RFX8: variants seen among roughly 807,000 people sequenced by gnomAD.
The protein encoded by RFX8 is DNA-binding protein RFX8.
A neutral mutation model predicts 54.6 loss-of-function variants in RFX8; 46 were observed. The ratio of observed to expected loss-of-function variants is 0.84; its 90% CI spans 0.67 to 1.08. The LOEUF is 1.08. Among genes scored for constraint, RFX8 ranks in the 50% least tolerant of loss-of-function variants. The probability of loss-of-function intolerance (pLI) is 0.00; values close to 1 mark genes in which losing one functional copy is unlikely to be tolerated. For synonymous variants in RFX8, 192 were observed against 209.5 expected (o/e 0.92, Z 0.72); for missense variants, 536 against 562.3 (o/e 0.95, Z 0.47).
intron 1 of RFX8, among the ~76,000 whole-genome samples, chr2:101,472,102 T>A (rs993530664): frequency 3.3e-5 from 5 of 152,092 alleles, no homozygotes; most frequent in Admixed American, 1.3e-4. Context: ...CTGTTTTGGG[T>A]TTTTTATTTT....
intron 11 of RFX8, among the ~76,000 whole-genome samples, chr2:101,402,124 G>A (rs1360725360): frequency 2.6e-5 from 4 of 152,182 alleles, no homozygotes; most frequent in East Asian, 1.9e-4. Context: ...CCACTCAGAC[G>A]TTAGTGGTGT....
At chr2:101,414,073 A>G (rs1192070450) in intron 7 of RFX8, among the ~76,000 whole-genome samples, 2 of 152,142 alleles carry the variant, frequency 1.3e-5, no homozygotes, top group African/African-American at 4.8e-5. Flanking sequence ...AGCCCTTCTC[A>G]ACCTTTCTCT....
At chr2:101,432,420 T>G (rs1254570243) in intron 2 of RFX8, among the ~76,000 whole-genome samples, 2 of 152,094 alleles carry the variant, frequency 1.3e-5, no homozygotes, top group East Asian at 3.9e-4. Context: ...CCGCAGGCAT[T>G]GCCGGGCTTT....
intron 2 of RFX8, among the ~76,000 whole-genome samples, chr2:101,440,284 C>G (rs563889706): frequency 6.6e-6 from 1 of 152,138 alleles, no homozygotes; most frequent in Admixed American, 6.5e-5. Context: ...GTTTGGCCCT[C>G]GGCTAGGGTC....
At chr2:101,406,395 G>A (rs914158263) in intron 9 of RFX8, among the ~76,000 whole-genome samples, 3 of 150,772 alleles carry the variant, frequency 2.0e-5, no homozygotes, top group African/African-American at 7.3e-5. Flanking sequence ...GCAGTGGCAC[G>A]ATCTTGGCCC....
chr2:101,450,779 T>C, intron 2 of RFX8: 2 of 670,226 alleles, frequency 3.0e-6, no homozygotes, highest in Non-Finnish European at 2.6e-6. Flanking sequence ...GGAGTTCTTC[T>C]CCAGGTTTTA....
chr2:101,447,694 A>G (rs1192434616), intron 2 of RFX8, among the ~76,000 whole-genome samples: 3 of 152,226 alleles, frequency 2.0e-5, no homozygotes, highest in African/African-American at 7.2e-5. Context: ...CTGGGCTATC[A>G]AATACTAGAA....
At chr2:101,406,208 C>T (rs748521310) in intron 9 of RFX8, among the ~76,000 whole-genome samples, 151 bp from the exon 10 acceptor site, 5 of 151,904 alleles carry the variant, frequency 3.3e-5, no homozygotes, top group African/African-American at 4.8e-5. Context: ...ACTGAGGCAG[C>T]GGGGCAAATG....
At chr2:101,460,638 G>A (rs11674781) in intron 2 of RFX8, among the ~76,000 whole-genome samples, 52,310 of 151,554 alleles carry the variant, frequency 0.35, 9,691 homozygotes, top group African/African-American at 0.44. Context: ...GGAAGCCACG[G>A]TATTTGGAGC....
At chr2:101,451,717 A>G (rs535304222) in intron 2 of RFX8, among the ~76,000 whole-genome samples, 38 of 149,042 alleles carry the variant, frequency 2.5e-4, no homozygotes, top group Non-Finnish European at 4.6e-4. Flanking sequence ...GAAAAGTAAT[A>G]TAGCCTCGGG....
rs1573510867 is a variant in RFX8, at chr2:101,474,448, G to A, written c.-53+188C>T. ...CCAGTCCTCCAGGCCCGAGCCCGGG[G>A]GCGCGGAAGGCGCGCGGCGAGTACG... On this transcript the variant is annotated intron_variant, in intron 1 of 11. Transcript: ENST00000428343. 5 of 358,454 alleles carry A rather than the reference G, an allele frequency of 1.4e-5. No homozygotes were observed. In the East Asian group the frequency reaches 2.1e-4, roughly 15 times the overall value. 22.2% of individuals were successfully genotyped at this position (358,454 alleles called of 1,614,324 possible). A position where few individuals can be genotyped will look rare whatever the true frequency, so the allele number is the denominator to read the frequency against.
At chr2:101,399,178 C>T (rs186569445) in intron 11 of RFX8, among the ~76,000 whole-genome samples, 4 of 152,298 alleles carry the variant, frequency 2.6e-5, no homozygotes, top group African/African-American at 4.8e-5. Flanking sequence ...TGCAGGCCAG[C>T]GCTAAATTGT....
In RFX8 at chr2:101,401,587, A is replaced by G. The variant is rs562449547; in HGVS notation, c.1245+849T>C. Reference sequence around the variant, plus strand: ...TAGCGGCTAAACATCAAATATGTGCAGAGAAATTAGCCCTAAGACAATCGC... The same window carrying G: ...TAGCGGCTAAACATCAAATATGTGCGGAGAAATTAGCCCTAAGACAATCGC... On this transcript the variant is annotated intron_variant, in intron 11 of 11. Transcript: ENST00000428343. 2.0e-5 allele frequency among the ~76,000 whole-genome samples: 3 copies of G among 152,324 alleles called. No individual in the cohort carries two copies. The East Asian group carries it at 5.8e-4, about 29-fold the overall frequency.
At position 101,469,053 on chromosome 2, in the gene RFX8, T is replaced by C. The variant is rs1466136951; in HGVS notation, c.-52-2153A>G. 7.2e-4 allele frequency among the ~76,000 whole-genome samples: 23 copies of C among 32,026 alleles called. 1 individual carries two copies. The highest frequency in any genetic ancestry group is 5.9e-4 in the Admixed American group (2 of 3,374). The allele number at this position is 32,026 out of a possible 152,430, so 21.0% of individuals were successfully genotyped here. A position where few individuals can be genotyped will look rare whatever the true frequency, so the allele number is the denominator to read the frequency against. On this transcript the variant is annotated intron_variant, in intron 1 of 11. Transcript: ENST00000428343. ...ATACGTATATATATGTATATATATA[T>C]ACGTATATATATGTATATATATATA...
At position 101,469,044 on chromosome 2, in the gene RFX8, A is replaced by G. The variant is rs202234512; in HGVS notation, c.-52-2144T>C. Among the ~76,000 whole-genome samples the G allele has an allele frequency of 7.1e-4, 34 of 47,750 alleles. 1 individual carries two copies. In the East Asian group the frequency reaches 7.3e-3, roughly 10 times the overall value. The allele number at this position is 47,750 out of a possible 152,430, so 31.3% of individuals were successfully genotyped here. ...TATATATATATACGTATATATATGTATATATATATACGTATATATATGTAT... is the reference window on the plus strand; with the variant it reads ...TATATATATATACGTATATATATGTGTATATATATACGTATATATATGTAT... On this transcript the variant is annotated intron_variant, in intron 1 of 11. Transcript: ENST00000428343.
At chr2:101,426,744 T>A (rs1225323955) in intron 2 of RFX8, among the ~76,000 whole-genome samples, 1 of 152,160 alleles carries the variant, frequency 6.6e-6, no homozygotes, top group East Asian at 1.9e-4. Flanking sequence ...GGGAGTCTGA[T>A]GTGTGCCACC....
At chr2:101,431,365 C>T (rs1467737176) in intron 2 of RFX8, among the ~76,000 whole-genome samples, 1 of 152,156 alleles carries the variant, frequency 6.6e-6, no homozygotes, top group Admixed American at 6.5e-5. Flanking sequence ...GCTAGGAAAA[C>T]GTACATCAGG....
At chr2:101,417,790 G>C in intron 5 of RFX8, 106 bp from the exon 6 acceptor site, 1 of 876,388 alleles carries the variant, frequency 1.1e-6, no homozygotes, top group Non-Finnish European at 1.7e-6. Context: ...TCTGAGAGCG[G>C]GTCCCCACCC....
chr2:101,422,328 T>G (rs1429176540), intron 3 of RFX8, 34 bp downstream of exon 3: 5 of 1,061,196 alleles, frequency 4.7e-6, no homozygotes, highest in Non-Finnish European at 5.7e-6. Flanking sequence ...TCATACAGCG[T>G]GAAAGGCTAA....
Sources: allele counts gnomAD v4.1 joint callset (sites outside exome capture counted in the v4.1 genomes callset), GRCh38; gene constraint gnomAD v4.1.1; transcripts MANE v1.5; gene names NCBI Gene and HGNC (gene_info 2026-07-23, HGNC 2026-07-21).